The following LPP variants were observed in gnomAD, a reference collection of about 807,000 sequenced individuals.
The protein encoded by LPP is lipoma-preferred partner.
LPP carries 38 observed loss-of-function variants against 60.4 expected under a neutral mutation model. The observed-to-expected ratio is 0.63, with a 90% CI of 0.49 to 0.83. The LOEUF (loss-of-function observed/expected upper bound fraction) is 0.83. LPP is among the 40% of genes least tolerant of loss of function. The pLI is 0.00. For missense variants in LPP, 902 were observed against 783.6 expected (o/e 1.15, Z -1.80); for synonymous variants, 328 against 290.8 (o/e 1.13, Z -1.30).
Position 188,582,316 on chromosome 3 carries a change from C to A in LPP, c.430-26845C>A, listed in dbSNP as rs1300117255. Reference sequence around the variant, plus strand: ...GCTGTGTCTACAGGTGTGCACCATGCCTGGCTAATTTTTTTTTCTTTTTTC... The same window carrying A: ...GCTGTGTCTACAGGTGTGCACCATGACTGGCTAATTTTTTTTTCTTTTTTC... On this transcript the variant is annotated intron_variant, in intron 6 of 11. Coordinates refer to ENST00000617246, the MANE Select transcript of LPP (RefSeq NM_001375462.1). Among the ~76,000 whole-genome samples, 6 of 151,640 alleles carry A rather than the reference C, an allele frequency of 4.0e-5. No individual in the cohort carries two copies. The South Asian group carries it at 1.3e-3, about 32-fold the overall frequency.
chr3:188,376,253 G>A (rs1009536481), intron 3 of LPP, among the ~76,000 whole-genome samples: 21 of 151,464 alleles, frequency 1.4e-4, no homozygotes, highest in Admixed American at 1.1e-3. Context: ...CAATTCCTGG[G>A]TATCCTTGTT....
At chr3:188,606,064 A>G (rs1239006105) in intron 6 of LPP, among the ~76,000 whole-genome samples, 1 of 152,178 alleles carries the variant, frequency 6.6e-6, no homozygotes, top group South Asian at 2.1e-4. Flanking sequence ...CTTGTGCCAC[A>G]TATGTTTCTC....
rs560927011 is a variant in LPP, at chr3:188,766,827, T to C, written c.1410+6545T>C. ...CAGTATAATAGTTCACATTTTGTCA[T>C]GCACTTCTTTTCTGTTATGTTTACC... On this transcript the variant is annotated intron_variant, in intron 9 of 11. Coordinates refer to ENST00000617246, the MANE Select transcript of LPP (RefSeq NM_001375462.1). 3.3e-5 allele frequency among the ~76,000 whole-genome samples: 5 copies of C among 152,336 alleles called. No homozygotes were observed. The East Asian group carries it at 9.6e-4, about 29-fold the overall frequency.
Position 188,508,761 on chromosome 3 carries a change from C to A in LPP, c.307-15904C>A, listed in dbSNP as rs986605937. Among the ~76,000 whole-genome samples the A allele has an allele frequency of 5.7e-4, 87 of 152,166 alleles. 1 individual carries two copies. Among genetic ancestry groups the A allele is most frequent in the African/African-American group, 2.0e-3 (81 of 41,432 alleles). ...AATGAGAGAAAAGTATTTTCCTTGT[C>A]CCCTGGAATTGGGTTAGAATACATT... On this transcript the variant is annotated intron_variant, in intron 5 of 11. Coordinates refer to ENST00000617246, the MANE Select transcript of LPP (RefSeq NM_001375462.1).
chr3:188,477,766 G>A (rs1464333128), intron 4 of LPP, among the ~76,000 whole-genome samples: 1 of 152,264 alleles, frequency 6.6e-6, no homozygotes, highest in Admixed American at 6.5e-5. Flanking sequence ...GCAAAATTTA[G>A]CTTCATAGAG....
chr3:188,471,956 T>TTATTAC (rs1241314410), intron 4 of LPP, among the ~76,000 whole-genome samples: 2 of 152,174 alleles, frequency 1.3e-5, no homozygotes, highest in African/African-American at 4.8e-5. Context: ...GAAGTGACTA[T>TTATTAC]TATTACTAGG....
intron 6 of LPP, among the ~76,000 whole-genome samples, chr3:188,553,160 A>C (rs552835942): frequency 5.8e-4 from 89 of 152,262 alleles, no homozygotes; most frequent in African/African-American, 2.1e-3. Context: ...CATCCTTCGC[A>C]TTTTAAACAT....
intron 8 of LPP, among the ~76,000 whole-genome samples, chr3:188,739,710 A>T (rs983769308): frequency 7.9e-5 from 12 of 152,034 alleles, no homozygotes; most frequent in Non-Finnish European, 1.5e-4. Flanking sequence ...CTCTGCATGG[A>T]TATAACTGTG....
intron 3 of LPP, among the ~76,000 whole-genome samples, chr3:188,402,935 G>A (rs1782588291): frequency 6.6e-6 from 1 of 152,316 alleles, no homozygotes; most frequent in Middle Eastern, 3.4e-3. Flanking sequence ...TTGGTAGAAC[G>A]TGAAGAGAGG....
At chr3:188,189,277 A>C (rs1295456654) in intron 1 of LPP, among the ~76,000 whole-genome samples, 1 of 152,130 alleles carries the variant, frequency 6.6e-6, no homozygotes, top group Non-Finnish European at 1.5e-5. Context: ...TAATAGTGAC[A>C]GGGTTTCACC....
chr3:188,326,442 T>C (rs1389507825), intron 2 of LPP, among the ~76,000 whole-genome samples: 1 of 152,198 alleles, frequency 6.6e-6, no homozygotes, highest in Non-Finnish European at 1.5e-5. Context: ...TCAATTGCAC[T>C]TTTGCCAAAA....
intron 2 of LPP, among the ~76,000 whole-genome samples, chr3:188,239,668 A>C: frequency 6.6e-6 from 1 of 152,304 alleles, no homozygotes; most frequent in Middle Eastern, 3.4e-3. Flanking sequence ...GAAAGGCATT[A>C]TGGAGTCTCC....
chr3:188,318,821 C>T (rs1294161178), intron 2 of LPP, among the ~76,000 whole-genome samples: 13 of 138,420 alleles, frequency 9.4e-5, no homozygotes, highest in African/African-American at 3.1e-4. Flanking sequence ...TGCAGTGGCG[C>T]GATCTCGGCT....
intron 9 of LPP, among the ~76,000 whole-genome samples, chr3:188,858,398 C>A (rs1764334298): frequency 6.6e-6 from 1 of 152,162 alleles, no homozygotes; most frequent in Non-Finnish European, 1.5e-5. Context: ...TTTGGAAGAC[C>A]TAGCATGTCA....
chr3:188,203,402 T>A (rs1449372893), intron 1 of LPP, among the ~76,000 whole-genome samples: 2 of 61,472 alleles, frequency 3.3e-5, no homozygotes, highest in South Asian at 6.7e-4. Flanking sequence ...TAATATATAT[T>A]TTTATAAATA....
intron 4 of LPP, among the ~76,000 whole-genome samples, chr3:188,445,323 G>T (rs1193092685): frequency 6.6e-6 from 1 of 152,192 alleles, no homozygotes; most frequent in Non-Finnish European, 1.5e-5. Context: ...AAAAGGATGA[G>T]TTCATGTCCT....
At chr3:188,269,076 G>C (rs1305395069) in intron 2 of LPP, among the ~76,000 whole-genome samples, 3 of 152,166 alleles carry the variant, frequency 2.0e-5, no homozygotes, top group Non-Finnish European at 4.4e-5. Flanking sequence ...CTGAGTCCTA[G>C]GAGATATAAA....
intron 7 of LPP, among the ~76,000 whole-genome samples, chr3:188,623,874 T>C (rs1399135442): frequency 2.0e-5 from 3 of 152,220 alleles, no homozygotes; most frequent in Non-Finnish European, 4.4e-5. Context: ...GTTTCTCTAA[T>C]ACAGAGCTTC....
chr3:188,505,268 G>A (rs888544104), intron 5 of LPP, among the ~76,000 whole-genome samples: 1 of 152,014 alleles, frequency 6.6e-6, no homozygotes, highest in African/African-American at 2.4e-5. Context: ...CACTTCCTTC[G>A]ATTTTTACTA....
Sources: allele counts gnomAD v4.1 joint callset (sites outside exome capture counted in the v4.1 genomes callset), GRCh38; gene constraint gnomAD v4.1.1; transcripts MANE v1.5; gene names NCBI Gene and HGNC (gene_info 2026-07-23, HGNC 2026-07-21).